CHD9: variants seen among roughly 807,000 people sequenced by gnomAD.
CHD9 encodes ATP-dependent chromatin remodeler CHD9.
Under a neutral mutation model 316.1 loss-of-function variants are expected in CHD9, and 77 were observed. That is an observed-to-expected ratio of 0.24 (90% confidence interval 0.20 to 0.29). The LOEUF (loss-of-function observed/expected upper bound fraction) is 0.29, where lower values mean the gene tolerates loss of function less well. Among genes scored for constraint, CHD9 ranks in the 10% least tolerant of loss-of-function variants. The pLI is 1.00. For synonymous variants in CHD9, 1,129 were observed against 1,158.3 expected, an observed-to-expected ratio of 0.97 and a Z score of 0.51; for missense variants, 2,763 against 3,438.1, an observed-to-expected ratio of 0.80 and a Z score of 4.91.
chr16:53,096,583 T>C (rs1210437922), intron 1 of CHD9, among the ~76,000 whole-genome samples: 2 of 152,192 alleles, frequency 1.3e-5, no homozygotes, highest in African/African-American at 4.8e-5. Flanking sequence ...TAGTAAATGA[T>C]AGAGCCAGGA....
At chr16:53,280,750 A>G (rs1369967927) in intron 24 of CHD9, among the ~76,000 whole-genome samples, 1 of 152,160 alleles carries the variant, frequency 6.6e-6, no homozygotes, top group Non-Finnish European at 1.5e-5. Flanking sequence ...TCAGACAACA[A>G]CAAAAAAGAT....
At chr16:53,171,886 A>G (rs1262571762) in intron 2 of CHD9, among the ~76,000 whole-genome samples, 1 of 112,578 alleles carries the variant, frequency 8.9e-6, no homozygotes, top group Non-Finnish European at 2.0e-5. Context: ...ACACACACAC[A>G]CACACACACA....
intron 36 of CHD9, among the ~76,000 whole-genome samples, chr16:53,316,140 C>G (rs917530753): frequency 1.3e-5 from 2 of 152,082 alleles, no homozygotes; most frequent in African/African-American, 4.8e-5. Context: ...GTCTCAAACT[C>G]CTGGCTCAAG....
At chr16:53,319,652 C>T (rs906816247) in intron 37 of CHD9, among the ~76,000 whole-genome samples, 30 of 152,076 alleles carry the variant, frequency 2.0e-4, no homozygotes, top group Admixed American at 7.9e-4. Context: ...ATGAGTTTGT[C>T]TTAGCCAATT....
intron 1 of CHD9, among the ~76,000 whole-genome samples, chr16:53,119,115 C>T (rs1163717687): frequency 1.3e-5 from 2 of 151,582 alleles, no homozygotes; most frequent in African/African-American, 2.4e-5. Flanking sequence ...CTAAAGAAGG[C>T]CCCCCAACCT....
Position 53,131,548 on chromosome 16 carries a change from C to T in CHD9, c.-164-24378C>T, listed in dbSNP as rs529685723. 1.3e-3 allele frequency among the ~76,000 whole-genome samples: 201 copies of T among 151,286 alleles called. 1 individual carries two copies. Among genetic ancestry groups the T allele is most frequent in the African/African-American group, 4.7e-3 (196 of 41,410 alleles). ...CCCCCGCCCCCCGGCCCACAGCCCCCGGGGTCGGGACACGGCAGCCGCGCC... is the reference window on the plus strand; with the variant it reads ...CCCCCGCCCCCCGGCCCACAGCCCCTGGGGTCGGGACACGGCAGCCGCGCC... On this transcript the variant is annotated intron_variant, in intron 1 of 38. Transcript: ENST00000447540.
At chr16:53,102,796 G>A (rs2036998317) in intron 1 of CHD9, among the ~76,000 whole-genome samples, 1 of 152,028 alleles carries the variant, frequency 6.6e-6, no homozygotes, top group Non-Finnish European at 1.5e-5. Context: ...GCCACAGTAA[G>A]CTGTGATGGT....
At chr16:53,260,055 G>A (rs1212401717) in intron 19 of CHD9, among the ~76,000 whole-genome samples, 2 of 152,192 alleles carry the variant, frequency 1.3e-5, no homozygotes, top group South Asian at 2.1e-4. Flanking sequence ...TTACTTGCAC[G>A]TAGTTAGATG....
chr16:53,245,874 A>C lies in CHD9; in HGVS notation c.3454+24A>C. The stretch of plus-strand genomic sequence containing the variant: ...AGGTAGCTAAAAAAGATTACAACAA[A>C]TATGTTTTTTCTTGCAACAAATACT... On this transcript the variant is annotated intron_variant, in intron 15 of 38. Coordinates refer to ENST00000447540, the MANE Select transcript of CHD9 (RefSeq NM_001308319.2). This position sits in a 1 kb window ranked among gnomAD's most constrained non-coding sequence, Gnocchi z 4.1. 1 of 1,444,228 alleles carries C rather than the reference A, an allele frequency of 6.9e-7. No homozygotes were observed. The highest frequency in any genetic ancestry group is 9.1e-7 in the Non-Finnish European group (1 of 1,093,194). 89.5% of individuals were successfully genotyped at this position (1,444,228 alleles called of 1,614,324 possible). A position where few individuals can be genotyped will look rare whatever the true frequency, so the allele number is the denominator to read the frequency against.
intron 20 of CHD9, 145 bp downstream of exon 20, chr16:53,263,242 G>A (rs1231289724): frequency 3.6e-6 from 2 of 562,716 alleles, no homozygotes; most frequent in Admixed American, 3.4e-5. Flanking sequence ...AATGAACTGA[G>A]TGAGGTTCTC....
At chr16:53,111,608 A>T (rs562615275) in intron 1 of CHD9, among the ~76,000 whole-genome samples, 50 of 152,352 alleles carry the variant, frequency 3.3e-4, no homozygotes, top group African/African-American at 1.2e-3. Flanking sequence ...TGAAATGAAC[A>T]AGTAGCCAAC....
chr16:53,305,202 C>A (rs2055848672), intron 31 of CHD9, among the ~76,000 whole-genome samples: 1 of 152,084 alleles, frequency 6.6e-6, no homozygotes, highest in Admixed American at 6.6e-5. Flanking sequence ...GCTAGGATTA[C>A]AGGCACCCAC....
intron 1 of CHD9, among the ~76,000 whole-genome samples, chr16:53,060,440 C>T (rs865895945): frequency 8.6e-5 from 13 of 151,992 alleles, no homozygotes; most frequent in African/African-American, 3.1e-4. Context: ...ATAGTGAGAC[C>T]TCATTTCTAT....
At chr16:53,199,038 A>G (rs1268420388) in intron 2 of CHD9, among the ~76,000 whole-genome samples, 1 of 151,618 alleles carries the variant, frequency 6.6e-6, no homozygotes, top group East Asian at 1.9e-4. Context: ...TTTCATTGAG[A>G]AGCATTACTC....
At chr16:53,158,743 TC>T (rs779543147) in intron 2 of CHD9, among the ~76,000 whole-genome samples, 10 of 152,096 alleles carry the variant, frequency 6.6e-5, no homozygotes, top group Non-Finnish European at 7.4e-5. Context: ...GCTCAGGTGA[TC>T]CTCCTGCCTC....
chr16:53,231,597 T>G (rs757040281), intron 9 of CHD9, 50 bp from the exon 10 acceptor site: 2 of 1,425,232 alleles, frequency 1.4e-6, no homozygotes, highest in Non-Finnish European at 1.9e-6. Flanking sequence ...TTTAAACTAT[T>G]TCTTACTAGT....
Position 53,324,457 on chromosome 16 carries a change from A to G in CHD9, c.8256A>G (p.Gly2752=), listed in dbSNP as rs1475231093. 1 of 1,614,048 alleles carries G rather than the reference A, an allele frequency of 6.2e-7. No homozygotes were observed. Among genetic ancestry groups the G allele is most frequent in the Non-Finnish European group, 8.5e-7 (1 of 1,179,894 alleles). The change falls in exon 39 of 39, where the codon GGA becomes GGG. Residue 2752 remains glycine, a synonymous_variant. Coordinates refer to ENST00000447540, the MANE Select transcript of CHD9 (RefSeq NM_001308319.2). The stretch of plus-strand genomic sequence containing the variant: ...GAAGTGACTCTAAGGAGTCAGAAGG[A>G]AAAACAGAAAGGACAGAGAGCCAAA... ...KKGSDSKESE[G]KTERTESQSS...
In CHD9 at chr16:53,226,517, G is replaced by A; in HGVS notation, c.2043+5G>A. 6.3e-7 allele frequency: 1 copy of A among 1,591,900 alleles called. No homozygotes were observed. Among genetic ancestry groups the A allele is most frequent in the Non-Finnish European group, 8.5e-7 (1 of 1,174,702 alleles). ...CAGCCTTTACAATTGTTTGTGGTAA[G>A]CATATTTGGGATTATGACTGCAAAA... On this transcript the variant is annotated splice_donor_5th_base_variant and intron_variant, in intron 5 of 38. Coordinates refer to ENST00000447540, the MANE Select transcript of CHD9 (RefSeq NM_001308319.2).
rs1410878222 is a variant in CHD9, at chr16:53,157,088, T to A, written c.999T>A (p.Asn333Lys). 3.7e-6 allele frequency: 6 copies of A among 1,612,524 alleles called. No homozygotes were observed. Among genetic ancestry groups the A allele is most frequent in the Non-Finnish European group, 5.1e-6 (6 of 1,179,208 alleles). ...QHILNPNTSL[N>K]SNNFQILHSS... ...TCCTAAACCCCAATACATCATTGAATTCAAATAATTTCCAAATATTGCATT... is the reference window on the plus strand; with the variant it reads ...TCCTAAACCCCAATACATCATTGAAATCAAATAATTTCCAAATATTGCATT... The change falls in exon 2 of 39, where the codon AAT becomes AAA. Residue 333 changes from asparagine (N) to lysine (K), a missense_variant. By Grantham distance (94) the Asn-to-Lys change is moderately conservative. Transcript: ENST00000447540.
Sources: allele counts gnomAD v4.1 joint callset (sites outside exome capture counted in the v4.1 genomes callset), GRCh38; gene constraint gnomAD v4.1.1; non-coding constraint Gnocchi (gnomAD v3.1); transcripts MANE v1.5; gene names NCBI Gene and HGNC (gene_info 2026-07-23, HGNC 2026-07-21).